The following CNTN6 variants were observed in gnomAD, a reference collection of about 807,000 sequenced individuals.
The protein encoded by CNTN6 is contactin-6.
A neutral mutation model predicts 122.8 loss-of-function variants in CNTN6; 137 were observed. That is an observed-to-expected ratio of 1.12 (90% CI 0.97 to 1.29). CNTN6 has a LOEUF of 1.29. Among genes scored for constraint, CNTN6 ranks in the 50% most tolerant of loss-of-function variants. CNTN6 has a pLI of 0.00. For missense variants in CNTN6, 1,634 were observed against 1,223.4 expected, an observed-to-expected ratio of 1.34 and a Z score of -5.01; for synonymous variants, 570 against 426.0, an observed-to-expected ratio of 1.34 and a Z score of -4.16.
At chr3:1,323,164 T>C (rs1701095003) in intron 8 of CNTN6, among the ~76,000 whole-genome samples, 1 of 151,778 alleles carries the variant, frequency 6.6e-6, no homozygotes, top group African/African-American at 2.4e-5. Flanking sequence ...AAACATTCAC[T>C]TATAGAATTC....
intron 20 of CNTN6, among the ~76,000 whole-genome samples, chr3:1,398,077 A>T (rs1440196971): frequency 6.6e-6 from 1 of 152,152 alleles, no homozygotes; most frequent in Non-Finnish European, 1.5e-5. Flanking sequence ...AAAAGTTAGA[A>T]AAGTGCTTGT....
intron 19 of CNTN6, among the ~76,000 whole-genome samples, chr3:1,383,695 G>A (rs575578136): frequency 1.3e-5 from 2 of 152,214 alleles, no homozygotes; most frequent in South Asian, 2.1e-4. Context: ...AGGCAGCAGT[G>A]TTACAGTTTT....
intron 7 of CNTN6, among the ~76,000 whole-genome samples, chr3:1,315,200 T>C (rs1242063490): frequency 6.6e-6 from 1 of 152,042 alleles, no homozygotes; most frequent in African/African-American, 2.4e-5. Flanking sequence ...GTTCTTTATC[T>C]GATTAATATA....
At chr3:1,102,714 C>T (rs944871858) in intron 1 of CNTN6, among the ~76,000 whole-genome samples, 6 of 149,470 alleles carry the variant, frequency 4.0e-5, no homozygotes, top group African/African-American at 7.3e-5. Context: ...GGCGACAGGG[C>T]GAGACTCCGT....
At chr3:1,251,399 C>T (rs1265141340) in intron 4 of CNTN6, among the ~76,000 whole-genome samples, 1 of 152,124 alleles carries the variant, frequency 6.6e-6, no homozygotes, top group East Asian at 1.9e-4. Flanking sequence ...TACTCCTGTC[C>T]TTCTCCTGCT....
intron 20 of CNTN6, among the ~76,000 whole-genome samples, chr3:1,392,572 A>G (rs1216532397): frequency 6.8e-6 from 1 of 147,732 alleles, no homozygotes; most frequent in Admixed American, 6.7e-5. Context: ...TAATTAAACT[A>G]AAGAGCTTCT....
chr3:1,148,125 A>G lies in CNTN6; in HGVS notation c.55+62A>G, dbSNP rs1024037657. ...ATATATTGGCATTGTATTTCTTTCTATGGGTGAAGCAATTTTCAAAATGCA... is the reference window on the plus strand; with the variant it reads ...ATATATTGGCATTGTATTTCTTTCTGTGGGTGAAGCAATTTTCAAAATGCA... On this transcript the variant is annotated intron_variant, in intron 2 of 22. Transcript: ENST00000446702. The G allele has an allele frequency of 8.5e-6, 11 of 1,296,132 alleles. 1 individual carries two copies. Among genetic ancestry groups the G allele is most frequent in the Admixed American group, 6.9e-5 (4 of 58,008 alleles). 80.3% of individuals were successfully genotyped at this position (1,296,132 alleles called of 1,614,324 possible). A position where few individuals can be genotyped will look rare whatever the true frequency, so the allele number is the denominator to read the frequency against.
intron 2 of CNTN6, among the ~76,000 whole-genome samples, chr3:1,166,681 C>A (rs1027439165): frequency 1.3e-5 from 2 of 152,142 alleles, no homozygotes; most frequent in South Asian, 2.1e-4. Flanking sequence ...GGCACATATA[C>A]ACCACAGAAT....
intron 4 of CNTN6, among the ~76,000 whole-genome samples, chr3:1,264,480 G>C (rs2094896094): frequency 6.6e-6 from 1 of 152,126 alleles, no homozygotes; most frequent in Non-Finnish European, 1.5e-5. Flanking sequence ...TTGAGTGGTT[G>C]ATGTCATTTG....
At chr3:1,279,384 T>TAC in intron 5 of CNTN6, among the ~76,000 whole-genome samples, 1 of 103,926 alleles carries the variant, frequency 9.6e-6, no homozygotes, top group African/African-American at 3.6e-5. Flanking sequence ...TATCACACTA[T>TAC]ATTATAGAAA....
chr3:1,250,944 T>G (rs1236813706), intron 4 of CNTN6, among the ~76,000 whole-genome samples: 5 of 151,928 alleles, frequency 3.3e-5, no homozygotes, highest in African/African-American at 1.2e-4. Context: ...CCCTCATATC[T>G]AATTCCTTTG....
At chr3:1,379,345 C>A (rs1182173799) in intron 17 of CNTN6, among the ~76,000 whole-genome samples, 1 of 152,172 alleles carries the variant, frequency 6.6e-6, no homozygotes, top group Non-Finnish European at 1.5e-5. Context: ...CTTGCTGTTG[C>A]ATGAGACCAT....
rs78170728 is a variant in CNTN6 at position 1,288,126 on chromosome 3, A to G, written c.455-7475A>G. ...GTTCCTTCTCCAAGTAGGTTTGGCC[A>G]ATGTACAACCAGTTCTATAGTTATT... On this transcript the variant is annotated intron_variant, in intron 5 of 22. Transcript: ENST00000446702. Among the ~76,000 whole-genome samples the G allele has an allele frequency of 4.9e-4, 75 of 152,270 alleles. No homozygotes were observed. The East Asian group carries it at 0.013, about 27-fold the overall frequency.
intron 1 of CNTN6, among the ~76,000 whole-genome samples, chr3:1,146,272 C>A (rs1423663866): frequency 6.6e-6 from 1 of 152,122 alleles, no homozygotes; most frequent in Non-Finnish European, 1.5e-5. Flanking sequence ...TTTCTCCAAC[C>A]TTGTCTCATG....
At chr3:1,326,595 C>G (rs932678857) in intron 9 of CNTN6, among the ~76,000 whole-genome samples, 2 of 151,844 alleles carry the variant, frequency 1.3e-5, no homozygotes, top group Admixed American at 6.6e-5. Flanking sequence ...AGCATACTTT[C>G]TTCTACAATA....
intron 2 of CNTN6, among the ~76,000 whole-genome samples, chr3:1,204,168 G>C (rs952318389): frequency 2.6e-5 from 4 of 152,138 alleles, no homozygotes; most frequent in South Asian, 4.1e-4. Context: ...TATATAGAGA[G>C]AGCCAATGAC....
chr3:1,399,490 A>T (rs572124015), intron 20 of CNTN6, among the ~76,000 whole-genome samples: 2 of 152,202 alleles, frequency 1.3e-5, no homozygotes, highest in African/African-American at 2.4e-5. Flanking sequence ...ATGGGTTTAT[A>T]TTGTCAAGAA....
Position 1,372,544 on chromosome 3 carries a change from T to C in CNTN6, c.1668+70T>C, listed in dbSNP as rs1391600189. On this transcript the variant is annotated intron_variant, in intron 13 of 22. Transcript: ENST00000446702. Reference sequence around the variant, plus strand: ...CTTTTACATGAATCACCATTTTTCATAGTTACTCTCTCCATCTTTATTTGC... The same window carrying C: ...CTTTTACATGAATCACCATTTTTCACAGTTACTCTCTCCATCTTTATTTGC... 3 of 1,257,558 alleles carry C rather than the reference T, an allele frequency of 2.4e-6. No homozygotes were observed. In the Admixed American group the frequency reaches 7.2e-5, roughly 30 times the overall value. 77.9% of individuals were successfully genotyped at this position (1,257,558 alleles called of 1,614,324 possible). A position where few individuals can be genotyped will look rare whatever the true frequency, so the allele number is the denominator to read the frequency against.
chr3:1,318,014 T>C (rs888675881), intron 7 of CNTN6, among the ~76,000 whole-genome samples: 4 of 151,466 alleles, frequency 2.6e-5, no homozygotes, highest in Admixed American at 6.6e-5. Context: ...CTGAATCTTA[T>C]AACCTTCTCC....
Sources: gnomAD v4.1 joint callset for allele counts (sites outside exome capture counted in the v4.1 genomes callset) on GRCh38, gnomAD v4.1.1 for gene constraint, MANE v1.5 for transcripts, NCBI Gene and HGNC (gene_info 2026-07-23, HGNC 2026-07-21) for gene names.